SSR1: variants seen among roughly 807,000 people sequenced by gnomAD.
SSR1 encodes translocon-associated protein subunit alpha.
A neutral mutation model predicts 36.1 loss-of-function variants in SSR1; 13 were observed. The observed-to-expected ratio is 0.36, with a 90% CI of 0.23 to 0.57. The LOEUF is 0.57. Among genes scored for constraint, SSR1 ranks in the 20% least tolerant of loss-of-function variants. The pLI, the probability that SSR1 is intolerant of heterozygous loss-of-function variation, is 0.81. For synonymous variants in SSR1, 113 were observed against 118.9 expected (o/e 0.95, Z 0.32); for missense variants, 291 against 338.5 (o/e 0.86, Z 1.10).
In SSR1 at chr6:7,290,296, A is replaced by G. The variant is rs180848915; in HGVS notation, c.794-365T>C. 5.2e-5 allele frequency among the ~76,000 whole-genome samples: 8 copies of G among 152,396 alleles called. No homozygotes were observed. The East Asian group carries it at 1.5e-3, about 29-fold the overall frequency. On this transcript the variant is annotated intron_variant, in intron 7 of 7. Coordinates refer to ENST00000244763, the MANE Select transcript of SSR1 (RefSeq NM_003144.5). ...TGATTTTGTATTTACAAATGCAGTC[A>G]TGCAGTTTGCATAATTTTTCAATTT...
chr6:7,298,023 T>C (rs765738397), intron 5 of SSR1, 22 bp from the exon 6 acceptor site: 18 of 1,572,018 alleles, frequency 1.1e-5, no homozygotes, highest in Non-Finnish European at 1.6e-5. Context: ...GGAGAAAATA[T>C]GAACTGTCTT....
intron 1 of SSR1, among the ~76,000 whole-genome samples, 173 bp from the exon 2 acceptor site, chr6:7,310,202 T>TA (rs1299139621): frequency 3.4e-4 from 52 of 151,986 alleles, no homozygotes; most frequent in Non-Finnish European, 5.6e-4. Flanking sequence ...AGTTTACTAG[T>TA]AGTCTTAACA....
chr6:7,310,833 C>T (rs192643198), intron 1 of SSR1, among the ~76,000 whole-genome samples: 1 of 152,128 alleles, frequency 6.6e-6, no homozygotes, highest in Non-Finnish European at 1.5e-5. Context: ...ATCGCTTGAA[C>T]CCAGGAGGCA....
At chr6:7,301,210 A>G in intron 4 of SSR1, 100 bp downstream of exon 4, 1 of 1,438,370 alleles carries the variant, frequency 7.0e-7, no homozygotes, top group Non-Finnish European at 9.3e-7. Flanking sequence ...AGGTTCAACC[A>G]CAAAACAGGC....
At chr6:7,297,511 A>G (rs1367942398) in intron 6 of SSR1, among the ~76,000 whole-genome samples, 1 of 152,038 alleles carries the variant, frequency 6.6e-6, no homozygotes. Flanking sequence ...AGATTGCTCG[A>G]GTTCAGGAGT....
intron 3 of SSR1, among the ~76,000 whole-genome samples, chr6:7,302,909 C>T (rs551291855): frequency 6.6e-6 from 1 of 151,868 alleles, no homozygotes; most frequent in Non-Finnish European, 1.5e-5. Flanking sequence ...AAGACCGAGA[C>T]GGACAGATCA....
rs186661675 is a variant in SSR1 at position 7,282,805 on chromosome 6, G to A, written c.*7059C>T. 6.6e-6 allele frequency: 1 copy of A among 152,338 alleles called. No homozygotes were observed. Among genetic ancestry groups the A allele is most frequent in the East Asian group, 1.9e-4 (1 of 5,180 alleles). The allele number at this position is 152,338 out of a possible 1,614,324, so 9.4% of individuals were successfully genotyped here. A position where few individuals can be genotyped will look rare whatever the true frequency, so the allele number is the denominator to read the frequency against. On this transcript the variant is annotated 3_prime_UTR_variant, in exon 8 of 8. Coordinates refer to ENST00000244763, the MANE Select transcript of SSR1 (RefSeq NM_003144.5). Reference sequence around the variant, plus strand: ...GGGCCAGCAGCTTGTAGGACCAAATGAGAAAAATACATAATCATTATGTTT... The same window carrying A: ...GGGCCAGCAGCTTGTAGGACCAAATAAGAAAAATACATAATCATTATGTTT...
At chr6:7,290,055 C>G in intron 7 of SSR1, 124 bp from the exon 8 acceptor site, 1 of 668,548 alleles carries the variant, frequency 1.5e-6, no homozygotes, top group Non-Finnish European at 2.3e-6. Context: ...TGAACACCAT[C>G]TAATAATGAA....
rs947820560 is a variant in SSR1, at chr6:7,282,277, G to A, written c.*7587C>T. 3 of 152,262 alleles carry A rather than the reference G, an allele frequency of 2.0e-5. No individual in the cohort carries two copies. Among genetic ancestry groups the A allele is most frequent in the African/African-American group, 7.2e-5 (3 of 41,446 alleles). 9.4% of individuals were successfully genotyped at this position (152,262 alleles called of 1,614,324 possible). On this transcript the variant is annotated 3_prime_UTR_variant, in exon 8 of 8. Transcript: ENST00000244763. ...ACAAAACGGAAAAACAACAGAACAG[G>A]AAGTGAGGCAGGAGAACCACAGAGA... is the stretch of plus-strand genomic sequence containing the variant.
intron 7 of SSR1, 62 bp from the exon 8 acceptor site, chr6:7,289,993 G>C: frequency 7.2e-7 from 1 of 1,398,410 alleles, no homozygotes; most frequent in Non-Finnish European, 9.6e-7. Flanking sequence ...CAAAAGACAT[G>C]TTAAAAAGTA....
chr6:7,299,203 G>A (rs1250537086), intron 4 of SSR1, among the ~76,000 whole-genome samples: 2 of 152,182 alleles, frequency 1.3e-5, no homozygotes, highest in East Asian at 1.9e-4. Flanking sequence ...GGGTAGGGGT[G>A]GTGGTGTGAG....
intron 6 of SSR1, chr6:7,297,175 T>C: frequency 3.8e-6 from 1 of 259,922 alleles, no homozygotes; most frequent in Non-Finnish European, 7.4e-6. Context: ...AGCAAGATTG[T>C]GCCACTGCAC....
At chr6:7,307,327 CT>C (rs563726668) in intron 2 of SSR1, among the ~76,000 whole-genome samples, 1 of 152,240 alleles carries the variant, frequency 6.6e-6, no homozygotes, top group Admixed American at 6.5e-5. Flanking sequence ...TTCAATCTAC[CT>C]TAATTATTTT....
chr6:7,305,817 C>G (rs4513848), intron 2 of SSR1, among the ~76,000 whole-genome samples: 45,722 of 152,102 alleles, frequency 0.3, 7,246 homozygotes, highest in East Asian at 0.51. Context: ...ATGTTGCTGC[C>G]AAGACTGAAA....
chr6:7,313,030 C>A lies in SSR1; in HGVS notation c.79+12G>T, dbSNP rs1581640969. On this transcript the variant is annotated intron_variant, in intron 1 of 7. Transcript: ENST00000244763. ...TCCTGGCCATCCCCTCCGCACACTCCCCCAGCCTCACCTCTGGGGCCGCCT... is the reference window on the plus strand; with the variant it reads ...TCCTGGCCATCCCCTCCGCACACTCACCCAGCCTCACCTCTGGGGCCGCCT... 6.3e-7 allele frequency: 1 copy of A among 1,594,938 alleles called. No homozygotes were observed. The highest frequency in any genetic ancestry group is 2.3e-5 in the East Asian group (1 of 43,606).
At chr6:7,290,163 G>C (rs1757651110) in intron 7 of SSR1, among the ~76,000 whole-genome samples, 1 of 152,202 alleles carries the variant, frequency 6.6e-6, no homozygotes. Flanking sequence ...ATTAGGGTGG[G>C]TAAGAGATTT....
chr6:7,287,970 C>CTAATT lies in SSR1; in HGVS notation c.*1889_*1893dup, dbSNP rs1757592119. 2 of 151,920 alleles carry CTAATT rather than the reference C, an allele frequency of 1.3e-5. No homozygotes were observed. Among genetic ancestry groups the CTAATT allele is most frequent in the Non-Finnish European group, 2.9e-5 (2 of 67,960 alleles). The allele number at this position is 151,920 out of a possible 1,614,324, so 9.4% of individuals were successfully genotyped here. ...TAATAAATTCTACATTTCCGAGGCA[C>CTAATT]TAATTTGAACTTCAGAAGTGGGAGG... On this transcript the variant is annotated 3_prime_UTR_variant, in exon 8 of 8. Coordinates refer to ENST00000244763, the MANE Select transcript of SSR1 (RefSeq NM_003144.5).
At chr6:7,308,337 C>T (rs1302000851) in intron 2 of SSR1, among the ~76,000 whole-genome samples, 1 of 151,734 alleles carries the variant, frequency 6.6e-6, no homozygotes, top group African/African-American at 2.4e-5. Flanking sequence ...AAGACATATT[C>T]CATAAAAATG....
At position 7,301,467 on chromosome 6, in the gene SSR1, T is replaced by C; in HGVS notation, c.386A>G (p.Asp129Gly). The change falls in exon 4 of 8, where the codon GAC becomes GGC. Residue 129 changes from aspartate (D) to glycine (G), a missense_variant. Asp to Gly is a moderately conservative substitution (Grantham distance 94). Coordinates refer to ENST00000244763, the MANE Select transcript of SSR1 (RefSeq NM_003144.5). ...GAAATTCTGGATATAAAACTGGTAG[T>C]CCTGAGGATAACGGAATGAGGCATC... ...SLDASFRYPQ[D>G]YQFYIQNFTA... 6.2e-7 allele frequency: 1 copy of C among 1,614,090 alleles called. No homozygotes were observed. The highest frequency in any genetic ancestry group is 8.5e-7 in the Non-Finnish European group (1 of 1,180,024).
Sources: allele counts gnomAD v4.1 joint callset (sites outside exome capture counted in the v4.1 genomes callset), GRCh38; gene constraint gnomAD v4.1.1; transcripts MANE v1.5; gene names NCBI Gene and HGNC (gene_info 2026-07-23, HGNC 2026-07-21).